Variants in FOXP1 observed in about 807,000 individuals in gnomAD.
FOXP1 encodes the protein forkhead box protein P1.
In FOXP1, 15 loss-of-function variants were observed where a neutral mutation model predicts 98.2. That is an observed-to-expected ratio of 0.15 (90% CI 0.10 to 0.24). The LOEUF is 0.24. Among genes scored for constraint, FOXP1 ranks in the 10% least tolerant of loss-of-function variants. FOXP1 has a pLI of 1.00. For missense variants in FOXP1, 633 were observed against 848.5 expected (o/e 0.75, Z 3.15); for synonymous variants, 371 against 314.5 (o/e 1.18, Z -1.90).
chr3:71,407,319 C>T (rs546829238), intron 3 of FOXP1, among the ~76,000 whole-genome samples: 1 of 151,904 alleles, frequency 6.6e-6, no homozygotes, highest in African/African-American at 2.4e-5. Flanking sequence ...TGGGGGGTGG[C>T]GGGAACACAC....
Position 71,583,604 on chromosome 3 carries a change from T to C in FOXP1, c.-480A>G. Reference sequence around the variant, plus strand: ...AATGGTCTCTCGGTGCAAACTAAGGTGTTTTCGGGCCTTTCCCCGCGCGCG... The same window carrying C: ...AATGGTCTCTCGGTGCAAACTAAGGCGTTTTCGGGCCTTTCCCCGCGCGCG... On this transcript the variant is annotated 5_prime_UTR_variant, in exon 1 of 21. Coordinates refer to ENST00000649528, the MANE Select transcript of FOXP1 (RefSeq NM_001349338.3). The C allele has an allele frequency of 1.0e-6, 1 of 982,110 alleles. No homozygotes were observed. Among genetic ancestry groups the C allele is most frequent in the Non-Finnish European group, 1.2e-6 (1 of 829,098 alleles). 60.8% of individuals were successfully genotyped at this position (982,110 alleles called of 1,614,324 possible). A position where few individuals can be genotyped will look rare whatever the true frequency, so the allele number is the denominator to read the frequency against.
intron 6 of FOXP1, among the ~76,000 whole-genome samples, chr3:71,151,539 A>C (rs2060572629): frequency 6.6e-6 from 1 of 152,184 alleles, no homozygotes. Flanking sequence ...AAGAAACACG[A>C]AGGAACATTT....
chr3:71,237,168 G>C (rs1576525371), intron 5 of FOXP1, among the ~76,000 whole-genome samples: 1 of 125,978 alleles, frequency 7.9e-6, no homozygotes, highest in African/African-American at 3.0e-5. Context: ...GGAGGCAGAG[G>C]TTGCAATGAA....
At chr3:71,196,049 T>A (rs1387716188) in intron 6 of FOXP1, among the ~76,000 whole-genome samples, 1 of 152,210 alleles carries the variant, frequency 6.6e-6, no homozygotes, top group Non-Finnish European at 1.5e-5. Context: ...TTTAAAAGAC[T>A]TCAAAAGGCT....
intron 3 of FOXP1, among the ~76,000 whole-genome samples, chr3:71,412,054 C>T (rs2082792783): frequency 6.6e-6 from 1 of 152,202 alleles, no homozygotes; most frequent in Admixed American, 6.5e-5. Context: ...GTCACTGTGT[C>T]TTGCCCTACA....
intron 5 of FOXP1, among the ~76,000 whole-genome samples, chr3:71,201,901 C>G (rs1470798225): frequency 6.6e-6 from 1 of 152,148 alleles, no homozygotes; most frequent in Non-Finnish European, 1.5e-5. Flanking sequence ...AACTCTATCC[C>G]TGCCCTAAGA....
intron 2 of FOXP1, 153 bp downstream of exon 2, chr3:71,581,396 T>C: frequency 2.0e-6 from 2 of 985,378 alleles, no homozygotes; most frequent in East Asian, 2.3e-4. Context: ...TCGAAGCACC[T>C]ACCGGCCTGA....
intron 4 of FOXP1, among the ~76,000 whole-genome samples, chr3:71,308,291 T>C (rs1034153605): frequency 2.0e-5 from 3 of 152,168 alleles, no homozygotes; most frequent in African/African-American, 2.4e-5. Context: ...TCAGAGTCAC[T>C]GACTTTTCAT....
At chr3:70,964,474 C>T (rs1404585709) in intron 20 of FOXP1, among the ~76,000 whole-genome samples, 1 of 152,192 alleles carries the variant, frequency 6.6e-6, no homozygotes, top group Non-Finnish European at 1.5e-5. Flanking sequence ...GAAATAGCAT[C>T]ACTTCCATTC....
At chr3:71,413,225 C>A (rs72959370) in intron 3 of FOXP1, among the ~76,000 whole-genome samples, 16,028 of 65,306 alleles carry the variant, frequency 0.25, 1,906 homozygotes, top group African/African-American at 0.32. Context: ...ACACACACAC[C>A]CCCCCAAATA....
intron 17 of FOXP1, among the ~76,000 whole-genome samples, chr3:70,976,086 G>A (rs1277469724): frequency 7.7e-6 from 1 of 129,776 alleles, no homozygotes; most frequent in African/African-American, 3.0e-5. Context: ...GTCTTGCTCT[G>A]TTGCCCAGGC....
At chr3:71,444,669 C>T (rs2086249643) in intron 3 of FOXP1, among the ~76,000 whole-genome samples, 1 of 152,154 alleles carries the variant, frequency 6.6e-6, no homozygotes, top group Non-Finnish European at 1.5e-5. Context: ...TGCTCCTGGA[C>T]CCCACTTTTT....
chr3:71,299,978 T>C (rs2073706153), intron 4 of FOXP1, 98 bp from the exon 5 acceptor site: 1 of 152,542 alleles, frequency 6.6e-6, no homozygotes, highest in Non-Finnish European at 1.5e-5. Flanking sequence ...AGCACTCAAT[T>C]CTATTTAATG....
At chr3:71,261,000 T>C (rs2069089431) in intron 5 of FOXP1, among the ~76,000 whole-genome samples, 1 of 152,216 alleles carries the variant, frequency 6.6e-6, no homozygotes, top group African/African-American at 2.4e-5. Flanking sequence ...AGTTTAGAAT[T>C]TGTTAAACCA....
chr3:70,979,131 A>C (rs2038224497), intron 14 of FOXP1, among the ~76,000 whole-genome samples: 1 of 151,308 alleles, frequency 6.6e-6, no homozygotes, highest in Non-Finnish European at 1.5e-5. Context: ...CACACACACA[A>C]ATTAGCCATG....
At chr3:71,200,178 T>C (rs1024575499) in intron 5 of FOXP1, among the ~76,000 whole-genome samples, 2 of 150,406 alleles carry the variant, frequency 1.3e-5, no homozygotes, top group African/African-American at 4.9e-5. Flanking sequence ...AAAACCATTA[T>C]CCCAGAGAGC....
intron 12 of FOXP1, among the ~76,000 whole-genome samples, chr3:71,015,315 T>G (rs1447725597): frequency 6.6e-6 from 1 of 152,112 alleles, no homozygotes; most frequent in Non-Finnish European, 1.5e-5. Flanking sequence ...TGGGTAAATA[T>G]GGGCTCTTAC....
At chr3:71,197,928 A>G (rs1560100801) in intron 6 of FOXP1, 2 of 1,614,228 alleles carry the variant, frequency 1.2e-6, no homozygotes, top group East Asian at 4.5e-5. Flanking sequence ...GGTTAGGCTG[A>G]CACACAGGTC....
intron 5 of FOXP1, among the ~76,000 whole-genome samples, chr3:71,293,476 T>C (rs2072973547): frequency 6.7e-6 from 1 of 150,284 alleles, no homozygotes; most frequent in African/African-American, 2.4e-5. Flanking sequence ...AGACCCCATT[T>C]CTTAAAAAAA....
Sources: allele counts gnomAD v4.1 joint callset (sites outside exome capture counted in the v4.1 genomes callset), GRCh38; gene constraint gnomAD v4.1.1; transcripts MANE v1.5; gene names NCBI Gene and HGNC (gene_info 2026-07-23, HGNC 2026-07-21).